The following DCAF5 variants were observed in gnomAD, a reference collection of about 807,000 sequenced individuals.
The protein encoded by DCAF5 is DDB1 and CUL4 associated factor 5.
A neutral mutation model predicts 80.7 loss-of-function variants in DCAF5; 9 were observed. The ratio of observed to expected loss-of-function variants is 0.11; its 90% CI spans 0.07 to 0.19. The LOEUF (loss-of-function observed/expected upper bound fraction) is 0.19. Ranked by LOEUF, DCAF5 falls within the 10% of genes least tolerant of loss-of-function variation. The probability of loss-of-function intolerance (pLI) is 1.00; values close to 1 mark genes in which losing one functional copy is unlikely to be tolerated. For synonymous variants in DCAF5, 433 were observed against 461.9 expected, an observed-to-expected ratio of 0.94 and a Z score of 0.80; for missense variants, 842 against 1,205.7, an observed-to-expected ratio of 0.70 and a Z score of 4.47.
chr14:69,110,436 T>G (rs1471051403), intron 5 of DCAF5, among the ~76,000 whole-genome samples: 3 of 149,640 alleles, frequency 2.0e-5, no homozygotes, highest in Admixed American at 1.3e-4. Context: ...CCACTAATTT[T>G]CCTATTTTTT....
intron 6 of DCAF5, chr14:69,084,910 A>G: frequency 7.1e-7 from 1 of 1,402,466 alleles, no homozygotes; most frequent in Non-Finnish European, 1.0e-6. Context: ...AATAATATTC[A>G]TCGTGTGGGT....
chr14:69,082,446 T>A lies in DCAF5; in HGVS notation c.880-7035A>T, dbSNP rs939732907. Reference sequence around the variant, plus strand: ...TATTAAAATAACCAACCTTTATGGGTTCTGTGTAGAAAAAATTCTATTAAG... The same window carrying A: ...TATTAAAATAACCAACCTTTATGGGATCTGTGTAGAAAAAATTCTATTAAG... On this transcript the variant is annotated intron_variant, in intron 6 of 8. Transcript: ENST00000341516. Among the ~76,000 whole-genome samples the A allele has an allele frequency of 5.2e-5, 6 of 115,102 alleles. No homozygotes were observed. The East Asian group carries it at 1.6e-3, about 31-fold the overall frequency. The allele number at this position is 115,102 out of a possible 152,430, so 75.5% of individuals were successfully genotyped here.
chr14:69,101,999 A>G (rs1482768031), intron 5 of DCAF5, among the ~76,000 whole-genome samples: 1 of 152,114 alleles, frequency 6.6e-6, no homozygotes, highest in Non-Finnish European at 1.5e-5. Context: ...GGCCTAGGAC[A>G]TTACTGTACA....
At chr14:69,090,952 T>C in intron 6 of DCAF5, 1 of 625,330 alleles carries the variant, frequency 1.6e-6, no homozygotes. Flanking sequence ...TTCTTCCCAT[T>C]TGTCTTTCCT....
chr14:69,090,536 TC>T (rs774623744), intron 6 of DCAF5: 1 of 152,564 alleles, frequency 6.6e-6, no homozygotes, highest in Non-Finnish European at 1.5e-5. Context: ...TTCTCATCTA[TC>T]TACACGCAAG....
At chr14:69,066,844 C>T (rs2038463134) in intron 7 of DCAF5, among the ~76,000 whole-genome samples, 1 of 152,164 alleles carries the variant, frequency 6.6e-6, no homozygotes, top group South Asian at 2.1e-4. Flanking sequence ...CCATTTCTAG[C>T]CAATTTCAGT....
chr14:69,122,443 C>G, intron 1 of DCAF5, 83 bp from the exon 2 acceptor site: 1 of 1,489,450 alleles, frequency 6.7e-7, no homozygotes, highest in South Asian at 1.3e-5. Context: ...TGAATCCCAT[C>G]CTTTCCAAAA....
At chr14:69,144,374 C>T (rs2041470636) in intron 1 of DCAF5, among the ~76,000 whole-genome samples, 1 of 151,934 alleles carries the variant, frequency 6.6e-6, no homozygotes, top group South Asian at 2.1e-4. Flanking sequence ...ACATCGAGAC[C>T]ATCCTGGCTA....
At chr14:69,084,461 C>A in intron 6 of DCAF5, 1 of 810,586 alleles carries the variant, frequency 1.2e-6, no homozygotes, top group South Asian at 1.4e-5. Flanking sequence ...ACAGACGATG[C>A]TCTTTTCTGC....
Position 69,085,099 on chromosome 14 carries a change from T to G in DCAF5, c.879+6575A>C, listed in dbSNP as rs569977991. 7.9e-5 allele frequency: 71 copies of G among 897,740 alleles called. 2 individuals carry two copies. The highest frequency in any genetic ancestry group is 4.9e-4 in the East Asian group (20 of 40,532). 55.6% of individuals were successfully genotyped at this position (897,740 alleles called of 1,614,324 possible). ...GAGAAATTGATTCAAAAGAACTACTTTTTTCATAAGTCAGCTCAGGAAGCA... is the reference window on the plus strand; with the variant it reads ...GAGAAATTGATTCAAAAGAACTACTGTTTTCATAAGTCAGCTCAGGAAGCA... On this transcript the variant is annotated intron_variant, in intron 6 of 8. Transcript: ENST00000341516.
At chr14:69,084,798 C>A in intron 6 of DCAF5, 1 of 1,095,116 alleles carries the variant, frequency 9.1e-7, no homozygotes, top group Non-Finnish European at 1.4e-6. Flanking sequence ...TTCTGCAATG[C>A]AGATTCAGGA....
chr14:69,151,416 A>G (rs2041698825), intron 1 of DCAF5, among the ~76,000 whole-genome samples: 1 of 152,206 alleles, frequency 6.6e-6, no homozygotes, highest in Non-Finnish European at 1.5e-5. Context: ...TGCTTTGCCA[A>G]GATCCCAGAA....
rs1039033337 is a variant in DCAF5, at chr14:69,053,089, C to G, written c.*768G>C. Reference sequence around the variant, plus strand: ...ATCCATGACTAGCTCTATTTTATGGCCTTCATACAGTACATGTTGCAGCAC... The same window carrying G: ...ATCCATGACTAGCTCTATTTTATGGGCTTCATACAGTACATGTTGCAGCAC... On this transcript the variant is annotated 3_prime_UTR_variant, in exon 9 of 9. Transcript: ENST00000341516. The G allele has an allele frequency of 1.3e-5, 2 of 152,154 alleles. No individual in the cohort carries two copies. The highest frequency in any genetic ancestry group is 2.9e-5 in the Non-Finnish European group (2 of 68,036). The allele number at this position is 152,154 out of a possible 1,614,324, so 9.4% of individuals were successfully genotyped here.
chr14:69,117,520 G>GT (rs1427803202), intron 4 of DCAF5, among the ~76,000 whole-genome samples: 1 of 152,126 alleles, frequency 6.6e-6, no homozygotes, highest in African/African-American at 2.4e-5. Context: ...ACTAAGGCTG[G>GT]TACTAGAGGA....
chr14:69,108,752 GAGT>G (rs1294843142), intron 5 of DCAF5, among the ~76,000 whole-genome samples: 1 of 152,168 alleles, frequency 6.6e-6, no homozygotes, highest in African/African-American at 2.4e-5. Context: ...AAAGATGGGT[GAGT>G]AGAAGACAGA....
intron 1 of DCAF5, among the ~76,000 whole-genome samples, chr14:69,132,161 A>C (rs145712347): frequency 1.2e-3 from 179 of 152,294 alleles, no homozygotes; most frequent in African/African-American, 4.0e-3. Context: ...TATAACCAGA[A>C]GTGAAATTGC....
chr14:69,105,188 G>A lies in DCAF5; in HGVS notation c.665+11178C>T, dbSNP rs146338270. ...AGGTTCTCAAAAAAAATTTGTTCAC[G>A]AATGTTAATGATAGTATCATTCACA... On this transcript the variant is annotated intron_variant, in intron 5 of 8. Coordinates refer to ENST00000341516, the MANE Select transcript of DCAF5 (RefSeq NM_003861.3). Among the ~76,000 whole-genome samples, 1,113 of 152,156 alleles carry A rather than the reference G, an allele frequency of 7.3e-3. 10 individuals are homozygous for A. Among genetic ancestry groups the A allele is most frequent in the African/African-American group, 0.026 (1,066 of 41,512 alleles).
chr14:69,057,413 G>A (rs1300793444), intron 8 of DCAF5, among the ~76,000 whole-genome samples: 1 of 151,532 alleles, frequency 6.6e-6, no homozygotes, highest in East Asian at 1.9e-4. Flanking sequence ...GTTTAAAAGT[G>A]GTAAAATGTC....
intron 1 of DCAF5, among the ~76,000 whole-genome samples, chr14:69,148,701 C>T (rs1332986967): frequency 6.6e-6 from 1 of 151,928 alleles, no homozygotes; most frequent in East Asian, 1.9e-4. Flanking sequence ...TTGCCCCCAC[C>T]GCCCAAAAAA....
Sources: allele counts gnomAD v4.1 joint callset (sites outside exome capture counted in the v4.1 genomes callset), GRCh38; gene constraint gnomAD v4.1.1; transcripts MANE v1.5; gene names NCBI Gene and HGNC (gene_info 2026-07-23, HGNC 2026-07-21).